FOXO1: variants seen among roughly 807,000 people sequenced by gnomAD.
The protein encoded by FOXO1 is forkhead box O1.
A neutral mutation model predicts 44.1 loss-of-function variants in FOXO1; 6 were observed. The observed-to-expected ratio is 0.14, with a 90% CI of 0.07 to 0.27. The LOEUF is 0.27. Ranked by LOEUF, FOXO1 falls within the 10% of genes least tolerant of loss-of-function variation. FOXO1 has a pLI of 1.00. For synonymous variants in FOXO1, 380 were observed against 362.7 expected, an observed-to-expected ratio of 1.05 and a Z score of -0.54; for missense variants, 737 against 888.8, an observed-to-expected ratio of 0.83 and a Z score of 2.17.
At chr13:40,559,449 G>A (rs1018227132) in intron 2 of FOXO1, 60 bp downstream of exon 2, 6 of 1,450,016 alleles carry the variant, frequency 4.1e-6, no homozygotes, top group Non-Finnish European at 3.7e-6. Flanking sequence ...GCAAGTTACT[G>A]TGTTCCTCGC....
intron 1 of FOXO1, among the ~76,000 whole-genome samples, chr13:40,607,778 A>G (rs1007750947): frequency 3.3e-5 from 5 of 152,280 alleles, no homozygotes; most frequent in East Asian, 1.9e-4. Flanking sequence ...TTATCTACAG[A>G]TAAGAAATCA....
At chr13:40,660,420 C>T (rs1011864395) in intron 1 of FOXO1, among the ~76,000 whole-genome samples, 2 of 152,138 alleles carry the variant, frequency 1.3e-5, no homozygotes, top group Non-Finnish European at 2.9e-5. Context: ...GCAGAGTGTT[C>T]CAGAAAAATG....
chr13:40,573,359 G>T (rs965753901), intron 1 of FOXO1, among the ~76,000 whole-genome samples: 2 of 152,186 alleles, frequency 1.3e-5, no homozygotes, highest in African/African-American at 2.4e-5. Flanking sequence ...GCTTCCCCAA[G>T]ATCACTCCTG....
chr13:40,607,371 G>A (rs1055213246), intron 1 of FOXO1, among the ~76,000 whole-genome samples: 2 of 152,168 alleles, frequency 1.3e-5, no homozygotes, highest in African/African-American at 4.8e-5. Flanking sequence ...GTCCATCCTA[G>A]GCAATAAATA....
intron 1 of FOXO1, among the ~76,000 whole-genome samples, chr13:40,662,621 G>A (rs1413956323): frequency 6.6e-6 from 1 of 152,148 alleles, no homozygotes; most frequent in African/African-American, 2.4e-5. Context: ...TCTAAAGAAT[G>A]ACATTAAAAG....
rs919425231 is a variant in FOXO1 at position 40,665,934 on chromosome 13, CGCCGCCGCCACG to C, written c.267_278del (p.Val94_Ala97del). 11 of 1,215,328 alleles carry C rather than the reference CGCCGCCGCCACG, an allele frequency of 9.1e-6. No individual in the cohort carries two copies. The highest frequency in any genetic ancestry group is 1.1e-5 in the Non-Finnish European group (11 of 980,334). 75.3% of individuals were successfully genotyped at this position (1,215,328 alleles called of 1,614,324 possible). On this transcript the variant is annotated inframe_deletion, in exon 1 of 3. Transcript: ENST00000379561. ...CGGCCGCGGCGGCCGCCGCCGCCACCGCCGCCGCCACGGAGCCGGGCGCCTGCGGGAAGTCCT... is the reference window on the plus strand; with the variant it reads ...CGGCCGCGGCGGCCGCCGCCGCCACCGAGCCGGGCGCCTGCGGGAAGTCCT...
At chr13:40,598,919 C>T (rs1449414724) in intron 1 of FOXO1, among the ~76,000 whole-genome samples, 3 of 152,162 alleles carry the variant, frequency 2.0e-5, no homozygotes, top group Non-Finnish European at 4.4e-5. Flanking sequence ...ATATGTCTTC[C>T]TACTAAGTAC....
At chr13:40,579,326 G>A (rs546057973) in intron 1 of FOXO1, among the ~76,000 whole-genome samples, 1 of 152,314 alleles carries the variant, frequency 6.6e-6, no homozygotes, top group East Asian at 1.9e-4. Context: ...CTCTTTGATG[G>A]ATGAAGGAGG....
At chr13:40,640,571 T>C (rs1877313376) in intron 1 of FOXO1, among the ~76,000 whole-genome samples, 1 of 152,212 alleles carries the variant, frequency 6.6e-6, no homozygotes, top group Non-Finnish European at 1.5e-5. Context: ...CTCAGTTTCC[T>C]GTGCATGCAA....
At chr13:40,576,998 T>C (rs1874773381) in intron 1 of FOXO1, among the ~76,000 whole-genome samples, 1 of 152,340 alleles carries the variant, frequency 6.6e-6, no homozygotes, top group East Asian at 1.9e-4. Flanking sequence ...TGGCCTACAA[T>C]GTAACCATGG....
intron 1 of FOXO1, among the ~76,000 whole-genome samples, chr13:40,657,388 G>A (rs553099999): frequency 2.1e-5 from 3 of 144,814 alleles, no homozygotes; most frequent in East Asian, 2.0e-4. Flanking sequence ...GCGTGATCTC[G>A]GCTAACCGCA....
intron 1 of FOXO1, among the ~76,000 whole-genome samples, chr13:40,611,411 C>T (rs1216298357): frequency 1.3e-5 from 2 of 152,108 alleles, no homozygotes; most frequent in Non-Finnish European, 2.9e-5. Flanking sequence ...CAGGATATGA[C>T]CAATAAATTT....
rs184656594 is a variant in FOXO1, at chr13:40,566,879, T to A, written c.631-6019A>T. On this transcript the variant is annotated intron_variant, in intron 1 of 2. Coordinates refer to ENST00000379561, the MANE Select transcript of FOXO1 (RefSeq NM_002015.4). ...GAGCCTGAAGGCCCAATAAAGATGA[T>A]CAAGTGAACAGAACTAGCTCTAAAT... 9.7e-4 allele frequency among the ~76,000 whole-genome samples: 147 copies of A among 152,248 alleles called. 1 individual carries two copies. The highest frequency in any genetic ancestry group is 1.7e-3 in the Non-Finnish European group (117 of 68,028).
At chr13:40,595,643 T>C (rs957737609) in intron 1 of FOXO1, among the ~76,000 whole-genome samples, 1 of 152,178 alleles carries the variant, frequency 6.6e-6, no homozygotes, top group Non-Finnish European at 1.5e-5. Flanking sequence ...TATAAAATTA[T>C]CAAGTGAACA....
chr13:40,658,123 G>A (rs562936371), intron 1 of FOXO1, among the ~76,000 whole-genome samples: 14 of 152,250 alleles, frequency 9.2e-5, no homozygotes, highest in Admixed American at 2.6e-4. Flanking sequence ...AATTCCTCTG[G>A]GTAGGAGCCA....
chr13:40,597,529 G>C (rs1442698228), intron 1 of FOXO1, among the ~76,000 whole-genome samples: 1 of 152,168 alleles, frequency 6.6e-6, no homozygotes, highest in Non-Finnish European at 1.5e-5. Context: ...ACCACCTGGA[G>C]GCCCTTAGTC....
intron 1 of FOXO1, among the ~76,000 whole-genome samples, chr13:40,659,464 ATT>A (rs781449389): frequency 2.0e-5 from 3 of 146,764 alleles, no homozygotes; most frequent in East Asian, 4.0e-4. Context: ...CTCTCCCTTG[ATT>A]TTTTTTTTTT....
At chr13:40,658,965 T>C (rs563834494) in intron 1 of FOXO1, among the ~76,000 whole-genome samples, 56 of 151,444 alleles carry the variant, frequency 3.7e-4, no homozygotes, top group African/African-American at 1.2e-3. Flanking sequence ...TGAGCCAAGA[T>C]TGCACCACTG....
chr13:40,611,191 C>T, intron 1 of FOXO1: 1 of 342,688 alleles, frequency 2.9e-6, no homozygotes, highest in South Asian at 2.2e-5. Context: ...TACCCTGTTA[C>T]ATAAACAAGT....
Sources: gnomAD v4.1 joint callset for allele counts (sites outside exome capture counted in the v4.1 genomes callset) on GRCh38, gnomAD v4.1.1 for gene constraint, MANE v1.5 for transcripts, NCBI Gene and HGNC (gene_info 2026-07-23, HGNC 2026-07-21) for gene names.